Variants in DIP2C observed in about 807,000 individuals in gnomAD.
DIP2C encodes the protein DIP2 acetate--CoA ligase C (putative).
Under a neutral mutation model 192.4 loss-of-function variants are expected in DIP2C, and 33 were observed. The observed-to-expected ratio is 0.17, with a 90% CI of 0.13 to 0.23. The LOEUF is 0.23. DIP2C is among the 10% of genes least tolerant of loss of function. The pLI is 1.00. For missense variants in DIP2C, 1,537 were observed against 2,110.1 expected, an observed-to-expected ratio of 0.73 and a Z score of 5.32; for synonymous variants, 979 against 864.1, an observed-to-expected ratio of 1.13 and a Z score of -2.33.
chr10:475,249 C>T (rs1365039825), intron 2 of DIP2C, among the ~76,000 whole-genome samples: 1 of 152,164 alleles, frequency 6.6e-6, no homozygotes, highest in Non-Finnish European at 1.5e-5. Context: ...GGCTGTCCGC[C>T]GTGTCTGCAT....
intron 1 of DIP2C, among the ~76,000 whole-genome samples, chr10:642,518 T>A (rs533118985): frequency 6.6e-6 from 1 of 152,324 alleles, no homozygotes; most frequent in East Asian, 1.9e-4. Context: ...GCAGCTTAAG[T>A]CAAACAGCTT....
intron 1 of DIP2C, among the ~76,000 whole-genome samples, chr10:545,166 CTTTTTT>C (rs60185327): frequency 2.0e-4 from 17 of 86,338 alleles, no homozygotes; most frequent in East Asian, 9.0e-4. Context: ...GGTGTTTTCC[CTTTTTT>C]TTTTTTTTTT....
chr10:571,444 C>T lies in DIP2C; in HGVS notation c.86-84914G>A, dbSNP rs1035584600. ...ATTTCCCAGGCTCCTGCCCACTGCC[C>T]TCTCTCTTCCTCTCCTCCTGCATCC... On this transcript the variant is annotated intron_variant, in intron 1 of 36. Transcript: ENST00000280886. Among the ~76,000 whole-genome samples the T allele has an allele frequency of 4.0e-5, 6 of 151,380 alleles. No individual in the cohort carries two copies. In the South Asian group the frequency reaches 1.2e-3, roughly 31 times the overall value.
intron 1 of DIP2C, among the ~76,000 whole-genome samples, chr10:501,587 A>T (rs2130710290): frequency 6.6e-6 from 1 of 152,208 alleles, no homozygotes; most frequent in Non-Finnish European, 1.5e-5. Context: ...TTAAAATGAA[A>T]AAAAGGTCAA....
At chr10:440,138 A>C (rs1299251099) in intron 4 of DIP2C, among the ~76,000 whole-genome samples, 2 of 152,228 alleles carry the variant, frequency 1.3e-5, no homozygotes, top group East Asian at 3.8e-4. Flanking sequence ...TTGGGCAGAG[A>C]AAATAGAGAA....
intron 1 of DIP2C, among the ~76,000 whole-genome samples, chr10:596,208 G>A (rs1350183758): frequency 6.6e-6 from 1 of 152,148 alleles, no homozygotes. Context: ...CATTATAAAT[G>A]ATAAAAAATG....
intron 1 of DIP2C, among the ~76,000 whole-genome samples, chr10:580,547 C>T (rs1301191694): frequency 1.3e-5 from 2 of 152,010 alleles, no homozygotes; most frequent in Non-Finnish European, 2.9e-5. Flanking sequence ...ACATGCATGC[C>T]CATAGCATGC....
chr10:370,210 G>A (rs1202884841), intron 17 of DIP2C, among the ~76,000 whole-genome samples: 1 of 152,268 alleles, frequency 6.6e-6, no homozygotes, highest in Admixed American at 6.5e-5. Context: ...AACTATTTGG[G>A]TGGCAGGCAA....
At chr10:381,632 G>C (rs146442112) in intron 17 of DIP2C, among the ~76,000 whole-genome samples, 1 of 152,350 alleles carries the variant, frequency 6.6e-6, no homozygotes, top group Non-Finnish European at 1.5e-5. Context: ...AAGACAGTGG[G>C]AGGGAGACAC....
chr10:512,395 CTAAAAATAAAAAA>C (rs1299334451), intron 1 of DIP2C, among the ~76,000 whole-genome samples: 4 of 151,412 alleles, frequency 2.6e-5, no homozygotes, highest in South Asian at 4.2e-4. Context: ...CCTGTCTCTA[CTAAAAATAAAAAA>C]TAAAAATAAA....
chr10:361,227 A>G (rs909376101), intron 22 of DIP2C, among the ~76,000 whole-genome samples: 2 of 152,216 alleles, frequency 1.3e-5, no homozygotes, highest in African/African-American at 4.8e-5. Flanking sequence ...TTAATGAAGT[A>G]CATTATTAGA....
At chr10:558,434 AG>A (rs1416880536) in intron 1 of DIP2C, among the ~76,000 whole-genome samples, 2 of 152,184 alleles carry the variant, frequency 1.3e-5, no homozygotes, top group Non-Finnish European at 2.9e-5. Context: ...AAATGCGTAA[AG>A]GAAGGTGCAG....
intron 1 of DIP2C, among the ~76,000 whole-genome samples, chr10:654,615 A>T (rs867173777): frequency 3.3e-5 from 5 of 152,296 alleles, no homozygotes; most frequent in Middle Eastern, 6.8e-3. Context: ...AACACTACCA[A>T]AGAGGACCAT....
At chr10:582,233 C>T (rs1056832212) in intron 1 of DIP2C, among the ~76,000 whole-genome samples, 2 of 152,206 alleles carry the variant, frequency 1.3e-5, no homozygotes, top group Non-Finnish European at 2.9e-5. Context: ...CCGGCCAGCA[C>T]CCACACCAGC....
At chr10:661,246 A>G (rs1856744961) in intron 1 of DIP2C, among the ~76,000 whole-genome samples, 2 of 152,196 alleles carry the variant, frequency 1.3e-5, no homozygotes, top group Non-Finnish European at 2.9e-5. Flanking sequence ...CAGAGAGAGA[A>G]GACTGCAGCC....
intron 1 of DIP2C, among the ~76,000 whole-genome samples, chr10:589,087 A>G (rs1048903168): frequency 5.3e-4 from 81 of 152,058 alleles, no homozygotes; most frequent in African/African-American, 1.7e-3. Flanking sequence ...AACCAGTCGC[A>G]CTGAAGGTCA....
At chr10:367,388 G>A (rs1046530156) in intron 18 of DIP2C, among the ~76,000 whole-genome samples, 1 of 150,516 alleles carries the variant, frequency 6.6e-6, no homozygotes, top group African/African-American at 2.5e-5. Context: ...CTGCACTCCA[G>A]CCTGGGCGAC....
At chr10:620,132 C>T (rs1416554450) in intron 1 of DIP2C, among the ~76,000 whole-genome samples, 3 of 152,184 alleles carry the variant, frequency 2.0e-5, no homozygotes, top group African/African-American at 4.8e-5. Context: ...ACGCCACAGC[C>T]GATCTGGCTG....
At chr10:312,394 T>G (rs755458824) in intron 31 of DIP2C, among the ~76,000 whole-genome samples, 94 of 152,160 alleles carry the variant, frequency 6.2e-4, no homozygotes, top group Non-Finnish European at 1.2e-3. Flanking sequence ...AGTAGAAGAT[T>G]TTTCACAGGC....
Sources: allele counts gnomAD v4.1 joint callset (sites outside exome capture counted in the v4.1 genomes callset), GRCh38; gene constraint gnomAD v4.1.1; transcripts MANE v1.5; gene names NCBI Gene and HGNC (gene_info 2026-07-23, HGNC 2026-07-21).